The following ASNSD1 variants were observed in gnomAD, a reference collection of about 807,000 sequenced individuals.
ASNSD1 encodes the protein asparagine synthetase domain-containing protein 1.
Under a neutral mutation model 48.3 loss-of-function variants are expected in ASNSD1, and 36 were observed. The observed-to-expected ratio is 0.75, with a 90% CI of 0.57 to 0.99. The LOEUF (loss-of-function observed/expected upper bound fraction) is 0.99. Ranked by LOEUF, ASNSD1 falls within the 50% of genes least tolerant of loss-of-function variation. The pLI, the probability that ASNSD1 is intolerant of heterozygous loss-of-function variation, is 0.00. For synonymous variants in ASNSD1, 257 were observed against 262.1 expected (o/e 0.98, Z 0.19); for missense variants, 714 against 758.2 (o/e 0.94, Z 0.69).
At position 189,661,479 on chromosome 2, in the gene ASNSD1, C is replaced by T. The variant is rs2289226; in HGVS notation, c.-354C>T. 0.69 allele frequency: 273,753 copies of T among 398,968 alleles called. 97,043 individuals are homozygous for T. The highest frequency in any genetic ancestry group is 0.77 in the South Asian group (6,026 of 7,862). 24.7% of individuals were successfully genotyped at this position (398,968 alleles called of 1,614,324 possible). A position where few individuals can be genotyped will look rare whatever the true frequency, so the allele number is the denominator to read the frequency against. ...GCGCTGTGGCTAATGCCGTAGGCTC[C>T]TTCAGGGCTGAGCCATCCCGCGTGT... On this transcript the variant is annotated 5_prime_UTR_variant, in exon 1 of 6. Coordinates refer to ENST00000260952, the MANE Select transcript of ASNSD1 (RefSeq NM_019048.4).
At position 189,666,967 on chromosome 2, in the gene ASNSD1, A is replaced by T; in HGVS notation, c.835A>T (p.Met279Leu). 2 of 1,614,210 alleles carry T rather than the reference A, an allele frequency of 1.2e-6. No individual in the cohort carries two copies. Among genetic ancestry groups the T allele is most frequent in the Non-Finnish European group, 1.7e-6 (2 of 1,180,034 alleles). ...TCAAGTCTTTCTTACTGATGTACACATGAAGGAAGTAATTCAGCAGTTCAT... is the reference window on the plus strand; with the variant it reads ...TCAAGTCTTTCTTACTGATGTACACTTGAAGGAAGTAATTCAGCAGTTCAT... ...ILQVFLTDVHMKEVIQQFIDV... is the reference protein window; with the variant it reads ...ILQVFLTDVHLKEVIQQFIDV... Residue 279 changes from methionine (M) to leucine (L), a missense_variant, in exon 4 of 6, where the codon ATG becomes TTG. Met to Leu is a conservative substitution (Grantham distance 15, BLOSUM62 2). Coordinates refer to ENST00000260952, the MANE Select transcript of ASNSD1 (RefSeq NM_019048.4).
chr2:189,668,381 G>A (rs1467037321), intron 5 of ASNSD1, among the ~76,000 whole-genome samples: 1 of 152,136 alleles, frequency 6.6e-6, no homozygotes, highest in South Asian at 2.1e-4. Flanking sequence ...GCTGATCATG[G>A]TGCTGCATGC....
In ASNSD1 at chr2:189,667,843, T is replaced by A; in HGVS notation, c.1544T>A (p.Leu515Gln). Residue 515 changes from leucine to glutamine, a missense_variant, in exon 5 of 6, where the codon CTG becomes CAG. Transcript: ENST00000260952. ...RHRVRFQSHGLEGLNKEIMME... is the reference protein window; with the variant it reads ...RHRVRFQSHGQEGLNKEIMME... ...CGTGTCCGCTTTCAGTCGCATGGGC[T>A]GGAAGGATTGAATAAGGAAATAATG... 1 of 1,614,140 alleles carries A rather than the reference T, an allele frequency of 6.2e-7. No individual in the cohort carries two copies. Among genetic ancestry groups the A allele is most frequent in the Non-Finnish European group, 8.5e-7 (1 of 1,180,016 alleles).
In ASNSD1 at chr2:189,667,241, A is replaced by T; in HGVS notation, c.1109A>T (p.Glu370Val). 6.2e-7 allele frequency: 1 copy of T among 1,614,042 alleles called. No individual in the cohort carries two copies. Among genetic ancestry groups the T allele is most frequent in the East Asian group, 2.2e-5 (1 of 44,888 alleles). ...EKTMPTTFNREGNKQKNKCEI... is the reference protein window; with the variant it reads ...EKTMPTTFNRVGNKQKNKCEI... ...ACCATGCCAACTACCTTTAACAGAGAAGGGAATAAACAGAAAAATAAATGT... is the reference window on the plus strand; with the variant it reads ...ACCATGCCAACTACCTTTAACAGAGTAGGGAATAAACAGAAAAATAAATGT... The change falls in exon 4 of 6, where the codon GAA becomes GTA. Residue 370 changes from glutamate to valine, a missense_variant. By Grantham distance (121) the Glu-to-Val change is moderately radical. Coordinates refer to ENST00000260952, the MANE Select transcript of ASNSD1 (RefSeq NM_019048.4).
In ASNSD1 at chr2:189,667,835, G is replaced by T. The variant is rs377666444; in HGVS notation, c.1536G>T (p.Ser512=). The T allele has an allele frequency of 1.2e-6, 2 of 1,613,850 alleles. No individual in the cohort carries two copies. Among genetic ancestry groups the T allele is most frequent in the African/African-American group, 1.3e-5 (1 of 74,902 alleles). Residue 512 remains serine (S), a synonymous_variant, in exon 5 of 6, where the codon TCG becomes TCT. Transcript: ENST00000260952. ...GYSRHRVRFQ[S]HGLEGLNKEI... ...CTCGTCATCGTGTCCGCTTTCAGTCGCATGGGCTGGAAGGATTGAATAAGG... is the reference window on the plus strand; with the variant it reads ...CTCGTCATCGTGTCCGCTTTCAGTCTCATGGGCTGGAAGGATTGAATAAGG...
chr2:189,661,491 G>A lies in ASNSD1; in HGVS notation c.-342G>A. ...ATGCCGTAGGCTCCTTCAGGGCTGAGCCATCCCGCGTGTCTTGCGCTCGGT... is the reference window on the plus strand; with the variant it reads ...ATGCCGTAGGCTCCTTCAGGGCTGAACCATCCCGCGTGTCTTGCGCTCGGT... On this transcript the variant is annotated 5_prime_UTR_variant, in exon 1 of 6. Coordinates refer to ENST00000260952, the MANE Select transcript of ASNSD1 (RefSeq NM_019048.4). 2.5e-6 allele frequency: 1 copy of A among 399,268 alleles called. No homozygotes were observed. The highest frequency in any genetic ancestry group is 4.4e-6 in the Non-Finnish European group (1 of 226,238). The allele number at this position is 399,268 out of a possible 1,614,324, so 24.7% of individuals were successfully genotyped here.
chr2:189,668,285 C>G (rs1384154415), intron 5 of ASNSD1, among the ~76,000 whole-genome samples: 1 of 152,230 alleles, frequency 6.6e-6, no homozygotes, highest in East Asian at 1.9e-4. Flanking sequence ...GAGGCCAAGG[C>G]GGGTGGATCA....
chr2:189,667,585 A>G lies in ASNSD1; in HGVS notation c.1453A>G (p.Ser485Gly). The change falls in exon 4 of 6, where the codon AGC becomes GGC. Residue 485 changes from serine (S) to glycine (G), a missense_variant. Ser to Gly is a moderately conservative substitution (Grantham distance 56). Transcript: ENST00000260952. ...CCAGGAAGGAGTGAAATCCTATCAG[A>G]GCAATGCAAAGGTATGACACAGTGT... Reference protein sequence around the residue: ...VAQEGVKSYQSNAKVVLTGIG... With the variant: ...VAQEGVKSYQGNAKVVLTGIG... 1 of 1,606,498 alleles carries G rather than the reference A, an allele frequency of 6.2e-7. No individual in the cohort carries two copies. Among genetic ancestry groups the G allele is most frequent in the South Asian group, 1.1e-5 (1 of 89,856 alleles).
intron 5 of ASNSD1, among the ~76,000 whole-genome samples, chr2:189,669,415 A>G (rs1283625975): frequency 6.6e-6 from 1 of 152,234 alleles, no homozygotes; most frequent in Non-Finnish European, 1.5e-5. Context: ...AAAAATGCAT[A>G]TGAAGAATGT....
At chr2:189,670,285 A>G (rs1017076212) in intron 5 of ASNSD1, among the ~76,000 whole-genome samples, 156 bp from the exon 6 acceptor site, 3 of 152,118 alleles carry the variant, frequency 2.0e-5, no homozygotes, top group African/African-American at 7.2e-5. Context: ...AATAAACCTA[A>G]TTTATTTATT....
intron 1 of ASNSD1, among the ~76,000 whole-genome samples, chr2:189,663,411 G>A (rs1056850782): frequency 4.0e-5 from 6 of 151,752 alleles, no homozygotes; most frequent in South Asian, 2.1e-4. Context: ...GTGCCACTAC[G>A]CTTGGCTAAT....
chr2:189,670,169 G>A (rs1261925104), intron 5 of ASNSD1, among the ~76,000 whole-genome samples: 1 of 144,872 alleles, frequency 6.9e-6, no homozygotes, highest in East Asian at 2.0e-4. Flanking sequence ...GATTAGCTGG[G>A]TGCGGTAGTG....
Position 189,666,826 on chromosome 2 carries a change from G to T in ASNSD1, c.694G>T (p.Glu232Ter). 1.2e-6 allele frequency: 2 copies of T among 1,614,136 alleles called. No homozygotes were observed. The highest frequency in any genetic ancestry group is 8.5e-7 in the Non-Finnish European group (1 of 1,180,014). Residue 232 changes from glutamate to a stop codon, truncating the protein, a stop_gained, in exon 4 of 6, where the codon GAA becomes TAA. Coordinates refer to ENST00000260952, the MANE Select transcript of ASNSD1 (RefSeq NM_019048.4). LOFTEE classifies it high-confidence loss of function. ...LPAFVSVVAN[E>*]AKLYLEKPVV... Reference sequence around the variant, plus strand: ...AGCATTTGTATCAGTGGTAGCAAATGAAGCCAAACTGTATCTTGAAAAACC... The same window carrying T: ...AGCATTTGTATCAGTGGTAGCAAATTAAGCCAAACTGTATCTTGAAAAACC...
At chr2:189,662,351 T>G (rs2032687061) in intron 1 of ASNSD1, among the ~76,000 whole-genome samples, 1 of 152,250 alleles carries the variant, frequency 6.6e-6, no homozygotes, top group South Asian at 2.1e-4. Context: ...TGTCCCAAAC[T>G]TACAATGACA....
chr2:189,667,983 A>G, intron 5 of ASNSD1, 38 bp downstream of exon 5: 7 of 1,561,416 alleles, frequency 4.5e-6, no homozygotes, highest in Non-Finnish European at 6.1e-6. Context: ...CGGTATTTTT[A>G]TAAAAACAGC....
At position 189,670,817 on chromosome 2, in the gene ASNSD1, T is replaced by A; in HGVS notation, c.*91T>A. 1 of 933,142 alleles carries A rather than the reference T, an allele frequency of 1.1e-6. No individual in the cohort carries two copies. The highest frequency in any genetic ancestry group is 1.4e-6 in the Non-Finnish European group (1 of 689,884). 57.8% of individuals were successfully genotyped at this position (933,142 alleles called of 1,614,324 possible). A position where few individuals can be genotyped will look rare whatever the true frequency, so the allele number is the denominator to read the frequency against. On this transcript the variant is annotated 3_prime_UTR_variant, in exon 6 of 6. Coordinates refer to ENST00000260952, the MANE Select transcript of ASNSD1 (RefSeq NM_019048.4). Reference sequence around the variant, plus strand: ...GCTGCTTTACTATTGTATAACATAGTAGTTTTAAAGTTCATTTGGTTGAAT... The same window carrying A: ...GCTGCTTTACTATTGTATAACATAGAAGTTTTAAAGTTCATTTGGTTGAAT...
At position 189,670,489 on chromosome 2, in the gene ASNSD1, G is replaced by A. The variant is rs756228614; in HGVS notation, c.1695G>A (p.Pro565=). ...TTGTCTCCTTTCTAAATTCTCTGCC[G>A]ATTTGGGAAAAAGCAAACTTGACTT... is the stretch of plus-strand genomic sequence containing the variant. ...ENVVSFLNSL[P]IWEKANLTLP... The change falls in exon 6 of 6, where the codon CCG becomes CCA. Residue 565 remains proline (P), a synonymous_variant. Coordinates refer to ENST00000260952, the MANE Select transcript of ASNSD1 (RefSeq NM_019048.4). 2.4e-5 allele frequency: 38 copies of A among 1,612,680 alleles called. No homozygotes were observed. Among genetic ancestry groups the A allele is most frequent in the South Asian group, 2.0e-4 (18 of 90,848 alleles).
At chr2:189,665,799 A>G (rs920671310) in intron 3 of ASNSD1, among the ~76,000 whole-genome samples, 3 of 151,832 alleles carry the variant, frequency 2.0e-5, no homozygotes, top group African/African-American at 7.3e-5. Flanking sequence ...ATAAGATGCT[A>G]TGTTAAAAGT....
In ASNSD1 at chr2:189,663,661, G is replaced by C. The variant is rs2032724030; in HGVS notation, c.-222-240G>C. ...CGAAAATCCCTGTCTGGTCTTAATG[G>C]GTTACCTAACATTTTGCAAGTCTAA... On this transcript the variant is annotated intron_variant, in intron 1 of 5. Transcript: ENST00000260952. Among the ~76,000 whole-genome samples the C allele has an allele frequency of 8.5e-5, 13 of 152,208 alleles. No homozygotes were observed. The South Asian group carries it at 2.5e-3, about 29-fold the overall frequency.
Sources: allele counts gnomAD v4.1 joint callset (sites outside exome capture counted in the v4.1 genomes callset), GRCh38; gene constraint gnomAD v4.1.1; transcripts MANE v1.5; gene names NCBI Gene and HGNC (gene_info 2026-07-23, HGNC 2026-07-21).